CEP72: variants seen among roughly 807,000 people sequenced by gnomAD.
CEP72 encodes the protein centrosomal protein 72.
In CEP72, 78 loss-of-function variants were observed where a neutral mutation model predicts 65.7. The observed-to-expected ratio is 1.19, with a 90% CI of 0.99 to 1.43. The LOEUF is 1.43. Ranked by LOEUF, CEP72 falls within the 40% of genes most tolerant of loss-of-function variation. The pLI, the probability that CEP72 is intolerant of heterozygous loss-of-function variation, is 0.00. For missense variants in CEP72, 914 were observed against 832.9 expected (o/e 1.10, Z -1.20); for synonymous variants, 358 against 351.7 (o/e 1.02, Z -0.20).
At chr5:646,811 T>C (rs529675136) in intron 10 of CEP72, among the ~76,000 whole-genome samples, 2 of 152,326 alleles carry the variant, frequency 1.3e-5, no homozygotes, top group East Asian at 3.9e-4. Context: ...CACCCACTGC[T>C]GACGGCTGCC....
chr5:670,290 G>A (rs375357947), downstream of CEP72, among the ~76,000 whole-genome samples: 381 of 152,282 alleles, frequency 2.5e-3, no homozygotes, highest in African/African-American at 4.4e-3. Flanking sequence ...TCTGAGGGGC[G>A]GGGGCCGGCG....
intron 4 of CEP72, among the ~76,000 whole-genome samples, chr5:629,054 G>A (rs960157747): frequency 2.0e-5 from 3 of 152,228 alleles, no homozygotes; most frequent in African/African-American, 7.2e-5. Context: ...GTCCTCGGGT[G>A]GACCAGGTGT....
chr5:672,502 G>T, the CEP72 span, among the ~76,000 whole-genome samples: 18 of 152,240 alleles, frequency 1.2e-4, no homozygotes, highest in African/African-American at 3.6e-4. Context: ...TCCTTCCTCT[G>T]CCTCATCGGC....
In CEP72 at chr5:637,818, G is replaced by T; in HGVS notation, c.1206G>T (p.Glu402Asp). 6.5e-7 allele frequency: 1 copy of T among 1,546,918 alleles called. No homozygotes were observed. The change falls in exon 7 of 12, where the codon GAG becomes GAT. Residue 402 changes from glutamate to aspartate, a missense_variant and splice_region_variant. By Grantham distance (45) the Glu-to-Asp change is conservative (BLOSUM62 2). Transcript: ENST00000264935. ...QRSRGVTDTR[E>D]PSPGSHSALP... ...CTCGGGGTGTGACCGACACCAGAGA[G>T]GTGAGAGAAGGGCTGGGGAGCAGCA...
At chr5:662,547 C>T (rs915876691) in intron 1 of CEP72, 6 of 152,432 alleles carry the variant, frequency 3.9e-5, no homozygotes, top group African/African-American at 9.6e-5. Context: ...GCGCCAGGCT[C>T]AGCTCCAGGG....
chr5:639,846 C>T (rs990754553), intron 8 of CEP72, among the ~76,000 whole-genome samples: 1 of 152,210 alleles, frequency 6.6e-6, no homozygotes, highest in East Asian at 1.9e-4. Flanking sequence ...TGCTTCTCCC[C>T]GCAGACCCTG....
At chr5:629,946 TGC>T (rs1445577171) in intron 4 of CEP72, among the ~76,000 whole-genome samples, 2 of 39,802 alleles carry the variant, frequency 5.0e-5, no homozygotes, top group Non-Finnish European at 8.3e-5. Flanking sequence ...CCTGGTGGGG[TGC>T]TGTCCAGTGC....
At chr5:648,701 ATGTGAGGCGTGAC>A (rs1309368890) in intron 11 of CEP72, among the ~76,000 whole-genome samples, 15 of 45,250 alleles carry the variant, frequency 3.3e-4, no homozygotes, top group Admixed American at 9.3e-4. Flanking sequence ...TGAGGCGTGA[ATGTGAGGCGTGAC>A]TGTGAGGCGT....
intron 5 of CEP72, 31 bp from the exon 6 acceptor site, chr5:635,341 A>G: frequency 6.9e-7 from 1 of 1,452,868 alleles, no homozygotes; most frequent in Non-Finnish European, 9.5e-7. Context: ...ACAATGTTTT[A>G]TGAAATATTT....
At chr5:626,808 G>A (rs571536934) in intron 4 of CEP72, among the ~76,000 whole-genome samples, 1 of 152,340 alleles carries the variant, frequency 6.6e-6, no homozygotes, top group East Asian at 1.9e-4. Flanking sequence ...GTGACAGAGT[G>A]AGACCCTGTC....
Position 633,935 on chromosome 5 carries a change from C to G in CEP72, c.679C>G (p.Arg227Gly), listed in dbSNP as rs748524883. ...FSQKGREADS[R>G]GSQESRHLLS... ...CCAGAAGGGGCGTGAGGCCGACTCTCGTGGTTCCCAAGGTGCGCTGCTCAT... is the reference window on the plus strand; with the variant it reads ...CCAGAAGGGGCGTGAGGCCGACTCTGGTGGTTCCCAAGGTGCGCTGCTCAT... The change falls in exon 5 of 12, where the codon CGT becomes GGT. Residue 227 changes from arginine (R) to glycine (G), a missense_variant. Arg to Gly is a moderately radical substitution (Grantham distance 125, BLOSUM62 -2). Transcript: ENST00000264935. The G allele has an allele frequency of 4.3e-6, 7 of 1,611,936 alleles. No individual in the cohort carries two copies. Among genetic ancestry groups the G allele is most frequent in the Non-Finnish European group, 5.9e-6 (7 of 1,180,006 alleles).
intron 9 of CEP72, chr5:641,109 T>C: frequency 2.0e-6 from 2 of 985,382 alleles, no homozygotes; most frequent in Non-Finnish European, 2.4e-6. Flanking sequence ...GGCTCCCTCC[T>C]TCCGTCTCAG....
chr5:619,608 A>G (rs953475800), intron 2 of CEP72, among the ~76,000 whole-genome samples: 4 of 152,198 alleles, frequency 2.6e-5, no homozygotes, highest in Non-Finnish European at 4.4e-5. Context: ...GTGCCTGAGC[A>G]TTATGGAGGC....
At chr5:616,816 A>ATG (rs978090349) in intron 1 of CEP72, among the ~76,000 whole-genome samples, 25 of 105,212 alleles carry the variant, frequency 2.4e-4, no homozygotes, top group East Asian at 1.3e-3. Context: ...GTGTGTGTGT[A>ATG]TGTGTGTGTG....
intron 11 of CEP72, among the ~76,000 whole-genome samples, chr5:652,561 A>G (rs1231556746): frequency 2.6e-5 from 4 of 152,216 alleles, no homozygotes; most frequent in Admixed American, 2.0e-4. Context: ...TTGCACTATT[A>G]TGATGTCAAA....
At chr5:665,098 G>T in intron 2 of CEP72, 1 of 1,608,378 alleles carries the variant, frequency 6.2e-7, no homozygotes, top group Non-Finnish European at 8.5e-7. Context: ...GCATGGAGCG[G>T]GGGCTACTTG....
chr5:665,282 C>G (rs779718455), exon 3 of CEP72: 16 of 1,612,880 alleles, frequency 9.9e-6, no homozygotes, highest in Non-Finnish European at 1.4e-5. Flanking sequence ...ACACTGTGGG[C>G]GACGAGATGG....
chr5:621,735 G>A (rs1442504356), intron 3 of CEP72, among the ~76,000 whole-genome samples: 1 of 152,224 alleles, frequency 6.6e-6, no homozygotes, highest in African/African-American at 2.4e-5. Context: ...GTATCTTGAT[G>A]GTGATGTGAT....
chr5:620,037 G>A (rs371744995), intron 2 of CEP72, 32 bp from the exon 3 acceptor site: 6 of 1,568,446 alleles, frequency 3.8e-6, no homozygotes, highest in Non-Finnish European at 5.3e-6. Flanking sequence ...TGTTTAAAGT[G>A]TGAATGAATT....
Sources: allele counts gnomAD v4.1 joint callset (sites outside exome capture counted in the v4.1 genomes callset), GRCh38; gene constraint gnomAD v4.1.1; transcripts MANE v1.5; gene names NCBI Gene and HGNC (gene_info 2026-07-23, HGNC 2026-07-21).